KAT6B: variants seen among roughly 807,000 people sequenced by gnomAD.
The protein encoded by KAT6B is lysine acetyltransferase 6B.
In KAT6B, 10 loss-of-function variants were observed where a neutral mutation model predicts 187.5. The ratio of observed to expected loss-of-function variants is 0.05; its 90% CI spans 0.03 to 0.09. The LOEUF (loss-of-function observed/expected upper bound fraction) is 0.09, where lower values mean the gene tolerates loss of function less well. Among genes scored for constraint, KAT6B ranks in the 10% least tolerant of loss-of-function variants. The pLI, the probability that KAT6B is intolerant of heterozygous loss-of-function variation, is 1.00. For synonymous variants in KAT6B, 861 were observed against 926.8 expected (o/e 0.93, Z 1.29); for missense variants, 1,952 against 2,558.9 (o/e 0.76, Z 5.12).
chr10:74,827,278 G>A (rs1840339717), intron 1 of KAT6B: 1 of 153,378 alleles, frequency 6.5e-6, no homozygotes, highest in African/African-American at 2.4e-5. Context: ...CAGGTGAGAT[G>A]ATACCGAAGG....
At chr10:74,998,874 A>G (rs569945507) in intron 13 of KAT6B, among the ~76,000 whole-genome samples, 3 of 152,260 alleles carry the variant, frequency 2.0e-5, no homozygotes, top group South Asian at 4.1e-4. Context: ...GCTTCAGTGA[A>G]CTATGATTGC....
chr10:74,864,471 C>G lies in KAT6B; in HGVS notation c.621+20993C>G, dbSNP rs1189297653. Among the ~76,000 whole-genome samples the G allele has an allele frequency of 3.9e-5, 6 of 152,066 alleles. No homozygotes were observed. In the East Asian group the frequency reaches 9.6e-4, roughly 24 times the overall value. On this transcript the variant is annotated intron_variant, in intron 3 of 17. Coordinates refer to ENST00000287239, the MANE Select transcript of KAT6B (RefSeq NM_012330.4). The stretch of plus-strand genomic sequence containing the variant: ...GGCCAGGCTGGTCTCGAACTCCTGA[C>G]CTCAAGTCTGTATAAAAAAGCCTGT...
chr10:74,932,552 C>T (rs1848960999), intron 3 of KAT6B, among the ~76,000 whole-genome samples: 1 of 152,064 alleles, frequency 6.6e-6, no homozygotes, highest in Non-Finnish European at 1.5e-5. Flanking sequence ...TTCCCTTAAA[C>T]TAAATGGAAA....
intron 4 of KAT6B, among the ~76,000 whole-genome samples, chr10:74,962,046 T>C (rs1222797139): frequency 6.6e-6 from 1 of 152,126 alleles, no homozygotes. Flanking sequence ...AGAGTGCTTC[T>C]CTGGACTCTG....
intron 3 of KAT6B, among the ~76,000 whole-genome samples, chr10:74,893,678 C>T (rs926122235): frequency 2.6e-5 from 4 of 152,028 alleles, no homozygotes; most frequent in Admixed American, 6.6e-5. Context: ...CCATATTGGC[C>T]AGGCTAGTCT....
chr10:74,919,594 G>A (rs1380707275), intron 3 of KAT6B, among the ~76,000 whole-genome samples: 3 of 152,030 alleles, frequency 2.0e-5, no homozygotes, highest in African/African-American at 7.2e-5. Flanking sequence ...GTAGAGATGG[G>A]ATTTCATCAT....
At chr10:74,833,238 A>G (rs1458215112) in intron 1 of KAT6B, among the ~76,000 whole-genome samples, 1 of 152,166 alleles carries the variant, frequency 6.6e-6, no homozygotes, top group Non-Finnish European at 1.5e-5. Context: ...ATTAGGGAGA[A>G]ATCTAGGATT....
chr10:74,920,676 A>T (rs565002772), intron 3 of KAT6B, among the ~76,000 whole-genome samples: 13 of 152,326 alleles, frequency 8.5e-5, no homozygotes, highest in African/African-American at 2.9e-4. Flanking sequence ...AGCATTTAAT[A>T]CAATGATAGG....
chr10:74,989,921 G>A (rs915436672), intron 13 of KAT6B, among the ~76,000 whole-genome samples: 1 of 152,058 alleles, frequency 6.6e-6, no homozygotes, highest in African/African-American at 2.4e-5. Context: ...CACTGGCCGG[G>A]CGTGGTGGCT....
intron 13 of KAT6B, among the ~76,000 whole-genome samples, chr10:75,019,870 CA>C (rs759167953): frequency 6.6e-6 from 1 of 151,276 alleles, no homozygotes; most frequent in African/African-American, 2.4e-5. Context: ...ATTTTCTGAG[CA>C]TACATGCAAT....
At chr10:74,872,801 C>T (rs1844096346) in intron 3 of KAT6B, among the ~76,000 whole-genome samples, 1 of 151,994 alleles carries the variant, frequency 6.6e-6, no homozygotes, top group African/African-American at 2.4e-5. Flanking sequence ...AGGCATGAGC[C>T]ACTGTACCTG....
intron 3 of KAT6B, among the ~76,000 whole-genome samples, chr10:74,914,644 G>A (rs1197122902): frequency 1.3e-5 from 2 of 152,086 alleles, no homozygotes; most frequent in African/African-American, 4.8e-5. Context: ...ATCGTTTTTT[G>A]AATTCAACAA....
chr10:74,974,034 A>G (rs1300362382), intron 7 of KAT6B, among the ~76,000 whole-genome samples: 1 of 152,224 alleles, frequency 6.6e-6, no homozygotes, highest in South Asian at 2.1e-4. Context: ...TACATGCTTT[A>G]TAAGCATATT....
intron 13 of KAT6B, among the ~76,000 whole-genome samples, chr10:75,005,201 A>G (rs951991563): frequency 6.7e-6 from 1 of 149,826 alleles, no homozygotes. Flanking sequence ...TCATGATGGC[A>G]TTTCGTTTTT....
chr10:74,926,514 T>C (rs564672975), intron 3 of KAT6B, among the ~76,000 whole-genome samples: 21 of 152,186 alleles, frequency 1.4e-4, no homozygotes, highest in Non-Finnish European at 2.9e-4. Flanking sequence ...CAGGAGAAAA[T>C]GCAGATCACT....
chr10:74,994,120 A>C (rs1361405956), intron 13 of KAT6B, among the ~76,000 whole-genome samples: 1 of 152,066 alleles, frequency 6.6e-6, no homozygotes, highest in African/African-American at 2.4e-5. Flanking sequence ...CCAAATGGTA[A>C]TTTTCTAATT....
chr10:75,021,343 G>A (rs1386457674), intron 15 of KAT6B, 58 bp downstream of exon 15: 2 of 1,566,604 alleles, frequency 1.3e-6, no homozygotes, highest in African/African-American at 1.3e-5. Flanking sequence ...GCATTCTTAA[G>A]CTAAGAAAGT....
At chr10:74,917,367 T>G (rs1847767524) in intron 3 of KAT6B, among the ~76,000 whole-genome samples, 1 of 152,140 alleles carries the variant, frequency 6.6e-6, no homozygotes, top group Non-Finnish European at 1.5e-5. Context: ...TTTCACCGGT[T>G]TTTCACCTCC....
intron 2 of KAT6B, among the ~76,000 whole-genome samples, chr10:74,840,848 C>G (rs1257547222): frequency 2.0e-5 from 3 of 152,180 alleles, no homozygotes; most frequent in African/African-American, 4.8e-5. Flanking sequence ...AATGACCCAG[C>G]TGTTTTTCAG....
Sources: allele counts gnomAD v4.1 joint callset (sites outside exome capture counted in the v4.1 genomes callset), GRCh38; gene constraint gnomAD v4.1.1; transcripts MANE v1.5; gene names NCBI Gene and HGNC (gene_info 2026-07-23, HGNC 2026-07-21).